The following ROBO2 variants were observed in gnomAD, a reference collection of about 807,000 sequenced individuals.
The protein encoded by ROBO2 is roundabout guidance receptor 2, also known as roundabout homolog 2.
In ROBO2, 53 loss-of-function variants were observed where a neutral mutation model predicts 160.8. That is an observed-to-expected ratio of 0.33 (90% CI 0.26 to 0.41). The LOEUF (loss-of-function observed/expected upper bound fraction) is 0.41, where lower values mean the gene tolerates loss of function less well. Among genes scored for constraint, ROBO2 ranks in the 10% least tolerant of loss-of-function variants. ROBO2 has a pLI of 1.00. For missense variants in ROBO2, 1,577 were observed against 1,722.4 expected (o/e 0.92, Z 1.49); for synonymous variants, 664 against 611.7 (o/e 1.09, Z -1.26).
At chr3:76,851,235 A>C (rs1443464214) in intron 2 of ROBO2, among the ~76,000 whole-genome samples, 1 of 152,186 alleles carries the variant, frequency 6.6e-6, no homozygotes, top group Non-Finnish European at 1.5e-5. Flanking sequence ...AAATCAAATA[A>C]AATTAAAAAT....
At chr3:77,238,335 C>T (rs2088408206) in intron 2 of ROBO2, among the ~76,000 whole-genome samples, 1 of 152,002 alleles carries the variant, frequency 6.6e-6, no homozygotes, top group Non-Finnish European at 1.5e-5. Context: ...TCTCTTGTGC[C>T]GTTTTCTGGA....
chr3:76,699,579 T>C (rs927966875), intron 2 of ROBO2, among the ~76,000 whole-genome samples: 3 of 152,188 alleles, frequency 2.0e-5, no homozygotes, highest in Admixed American at 6.5e-5. Flanking sequence ...TTGGAGGCAA[T>C]GTAATCTGAA....
chr3:76,770,451 T>G (rs552519002), intron 2 of ROBO2, among the ~76,000 whole-genome samples: 14 of 151,400 alleles, frequency 9.2e-5, no homozygotes, highest in African/African-American at 3.1e-4. Context: ...CCTGGCACAC[T>G]TCCATAAACA....
intron 2 of ROBO2, among the ~76,000 whole-genome samples, chr3:76,052,864 A>G (rs2067701564): frequency 6.6e-6 from 1 of 152,064 alleles, no homozygotes; most frequent in Non-Finnish European, 1.5e-5. Flanking sequence ...CCTTCAAAAT[A>G]GCTCAGTGGT....
In ROBO2 at chr3:76,220,658, T is replaced by G. The variant is rs142915276; in HGVS notation, c.109+283056T>G. On this transcript the variant is annotated intron_variant, in intron 2 of 26. Coordinates refer to the ROBO2 transcript ENST00000487694. ...ACAGGAGCACAGATGCACTAAGACA[T>G]TCTTTGAGTGGTGTTTAATCCTCTC... Among the ~76,000 whole-genome samples the G allele has an allele frequency of 2.9e-3, 438 of 152,286 alleles. 2 individuals are homozygous for G. The highest frequency in any genetic ancestry group is 0.01 in the African/African-American group (419 of 41,552).
intron 2 of ROBO2, among the ~76,000 whole-genome samples, chr3:76,005,048 T>G (rs908375475): frequency 6.6e-6 from 1 of 152,186 alleles, no homozygotes; most frequent in African/African-American, 2.4e-5. Flanking sequence ...TCTCTTGCTG[T>G]CTCACCTTCC....
intron 2 of ROBO2, among the ~76,000 whole-genome samples, chr3:77,150,592 A>AT (rs964451194): frequency 1.3e-4 from 19 of 150,870 alleles, no homozygotes; most frequent in Middle Eastern, 3.2e-3. Context: ...CAGGTAAACT[A>AT]TTTTTTTTTC....
chr3:76,421,673 C>A (rs546204139), intron 2 of ROBO2, among the ~76,000 whole-genome samples: 18 of 151,512 alleles, frequency 1.2e-4, no homozygotes, highest in Middle Eastern at 3.4e-3. Flanking sequence ...TTGCGGTAAG[C>A]AGAGATCGTG....
rs560944628 is a variant in ROBO2 at position 76,844,704 on chromosome 3, A to G, written c.110-253310A>G. ...TGTCCAGGAAAGCAGAAGTTGCCAT[A>G]GATTTATATAGGATTCTATTTTGCT... On this transcript the variant is annotated intron_variant, in intron 2 of 26. Coordinates refer to the ROBO2 transcript ENST00000487694. 4.6e-5 allele frequency among the ~76,000 whole-genome samples: 7 copies of G among 152,044 alleles called. No individual in the cohort carries two copies. The South Asian group carries it at 1.0e-3, about 22-fold the overall frequency.
chr3:76,244,522 C>T (rs1705497940), intron 2 of ROBO2, among the ~76,000 whole-genome samples: 1 of 152,160 alleles, frequency 6.6e-6, no homozygotes, highest in African/African-American at 2.4e-5. Flanking sequence ...CATTACATTT[C>T]CAGTCCTGGG....
chr3:76,884,847 G>A (rs1383673526), intron 2 of ROBO2, among the ~76,000 whole-genome samples: 1 of 152,050 alleles, frequency 6.6e-6, no homozygotes, highest in Non-Finnish European at 1.5e-5. Flanking sequence ...ACAGCTGTGA[G>A]GGATGCCTCA....
intron 2 of ROBO2, among the ~76,000 whole-genome samples, chr3:76,274,478 A>G (rs1474983028): frequency 1.3e-5 from 2 of 152,138 alleles, no homozygotes; most frequent in Non-Finnish European, 2.9e-5. Flanking sequence ...TATGAATCTG[A>G]TATATGATTT....
chr3:76,543,061 T>G (rs1288645725), intron 2 of ROBO2, among the ~76,000 whole-genome samples: 1 of 152,194 alleles, frequency 6.6e-6, no homozygotes, highest in African/African-American at 2.4e-5. Context: ...TCTGATTAAC[T>G]TCTTACTTCA....
chr3:76,907,822 G>GT (rs2075703983), intron 2 of ROBO2, among the ~76,000 whole-genome samples: 2 of 116,982 alleles, frequency 1.7e-5, no homozygotes, highest in African/African-American at 3.2e-5. Flanking sequence ...TGTTTGTTTG[G>GT]GGTGTGTGTG....
chr3:77,068,711 A>G (rs2067111513), intron 1 of ROBO2, among the ~76,000 whole-genome samples: 1 of 152,102 alleles, frequency 6.6e-6, no homozygotes. Context: ...ACGTGAATAA[A>G]GTAATGTTTT....
intron 2 of ROBO2, among the ~76,000 whole-genome samples, chr3:77,185,454 A>G (rs2081195363): frequency 6.6e-6 from 1 of 152,014 alleles, no homozygotes; most frequent in Admixed American, 6.6e-5. Flanking sequence ...CGTCAGTAAC[A>G]AAACCACAAT....
intron 2 of ROBO2, among the ~76,000 whole-genome samples, chr3:76,813,529 A>G (rs1417527841): frequency 6.6e-6 from 1 of 152,176 alleles, no homozygotes; most frequent in Non-Finnish European, 1.5e-5. Flanking sequence ...ATGATAAGTG[A>G]CAAATGATGT....
At chr3:76,014,510 G>A (rs1380387750) in intron 2 of ROBO2, among the ~76,000 whole-genome samples, 3 of 67,652 alleles carry the variant, frequency 4.4e-5, no homozygotes, top group Non-Finnish European at 9.3e-5. Context: ...GAAGTAATAT[G>A]TATAAAAGCA....
intron 2 of ROBO2, among the ~76,000 whole-genome samples, chr3:76,860,307 A>G (rs953906132): frequency 2.6e-5 from 4 of 152,166 alleles, no homozygotes; most frequent in African/African-American, 9.7e-5. Flanking sequence ...TCTAATTTCA[A>G]ATTTTCACCA....
Sources: gnomAD v4.1 joint callset for allele counts (sites outside exome capture counted in the v4.1 genomes callset) on GRCh38, gnomAD v4.1.1 for gene constraint, MANE v1.5 for transcripts, NCBI Gene and HGNC (gene_info 2026-07-23, HGNC 2026-07-21) for gene names.